HIP1: variants seen among roughly 807,000 people sequenced by gnomAD.
HIP1 encodes the protein huntingtin-interacting protein 1.
A neutral mutation model predicts 147.6 loss-of-function variants in HIP1; 65 were observed. The observed-to-expected ratio is 0.44, with a 90% confidence interval of 0.36 to 0.54. The LOEUF is 0.54. HIP1 is among the 20% of genes least tolerant of loss of function. The pLI, the probability that HIP1 is intolerant of heterozygous loss-of-function variation, is 0.00. For missense variants in HIP1, 1,061 were observed against 1,299.6 expected, an observed-to-expected ratio of 0.82 and a Z score of 2.82; for synonymous variants, 479 against 504.0, an observed-to-expected ratio of 0.95 and a Z score of 0.67.
intron 1 of HIP1, among the ~76,000 whole-genome samples, chr7:75,616,886 C>T (rs1329578115): frequency 6.6e-6 from 1 of 151,974 alleles, no homozygotes; most frequent in Non-Finnish European, 1.5e-5. Context: ...ATGCTGGGAA[C>T]AACAGTAACT....
At chr7:75,624,431 G>C (rs1797960230) in intron 1 of HIP1, among the ~76,000 whole-genome samples, 1 of 152,148 alleles carries the variant, frequency 6.6e-6, no homozygotes, top group South Asian at 2.1e-4. Context: ...TTCCTTAGGG[G>C]AGTGGGGGGA....
At position 75,618,544 on chromosome 7, in the gene HIP1, C is replaced by G. The variant is rs1488358589; in HGVS notation, c.121-19297G>C. On this transcript the variant is annotated intron_variant, in intron 1 of 30. Coordinates refer to ENST00000336926, the MANE Select transcript of HIP1 (RefSeq NM_005338.7). ...CCAGGTGACCTGCCCTCCTCAGTCT[C>G]CCAAAGTGCCGGGATTACAGGCATG... Among the ~76,000 whole-genome samples, 5 of 152,256 alleles carry G rather than the reference C, an allele frequency of 3.3e-5. No homozygotes were observed. The South Asian group carries it at 1.0e-3, about 32-fold the overall frequency.
At chr7:75,719,230 C>T (rs1335244058) in intron 1 of HIP1, among the ~76,000 whole-genome samples, 10 of 152,076 alleles carry the variant, frequency 6.6e-5, no homozygotes, top group South Asian at 2.1e-4. Flanking sequence ...CTAGGCCGGG[C>T]GTGGTGGCTC....
chr7:75,616,940 C>G (rs587721771), intron 1 of HIP1, among the ~76,000 whole-genome samples: 3 of 152,126 alleles, frequency 2.0e-5, no homozygotes, highest in South Asian at 4.2e-4. Context: ...AGGTCTTGCT[C>G]TGTTGCCCAG....
At chr7:75,727,617 G>A (rs911001038) in intron 1 of HIP1, among the ~76,000 whole-genome samples, 9 of 152,116 alleles carry the variant, frequency 5.9e-5, no homozygotes, top group Admixed American at 2.6e-4. Context: ...AAGCCCAGGC[G>A]GGTGGATCAC....
intron 4 of HIP1, among the ~76,000 whole-genome samples, chr7:75,591,340 A>C (rs1796494805): frequency 6.6e-6 from 1 of 151,950 alleles, no homozygotes; most frequent in Non-Finnish European, 1.5e-5. Context: ...GCCAAGAGAG[A>C]TTCTTCAAAA....
intron 2 of HIP1, among the ~76,000 whole-genome samples, chr7:75,595,220 C>CTTTCTTTCT (rs1796656785): frequency 1.1e-5 from 1 of 92,272 alleles, no homozygotes; most frequent in South Asian, 4.0e-4. Flanking sequence ...TTCTTTCTTT[C>CTTTCTTTCT]TTTCTTTCTT....
intron 7 of HIP1, among the ~76,000 whole-genome samples, chr7:75,575,087 G>T (rs587602507): frequency 6.6e-6 from 1 of 152,156 alleles, no homozygotes; most frequent in South Asian, 2.1e-4. Context: ...GAACCCAGGA[G>T]GTGGAGGCTG....
intron 1 of HIP1, among the ~76,000 whole-genome samples, chr7:75,663,951 CATATATGTGTATATATATAT>C (rs1799401622): frequency 8.9e-6 from 1 of 112,244 alleles, no homozygotes; most frequent in East Asian, 2.9e-4. Context: ...TATATATACA[CATATATGTGTATATATATAT>C]ACACATATAT....
intron 1 of HIP1, among the ~76,000 whole-genome samples, chr7:75,601,679 A>G (rs1554502972): frequency 1.3e-5 from 2 of 152,066 alleles, no homozygotes; most frequent in Non-Finnish European, 2.9e-5. Flanking sequence ...ACCCACTCTC[A>G]TGCATTTACG....
intron 5 of HIP1, among the ~76,000 whole-genome samples, chr7:75,586,208 T>G (rs1267372030): frequency 6.6e-6 from 1 of 151,902 alleles, no homozygotes; most frequent in Non-Finnish European, 1.5e-5. Context: ...TTTTTGTTTT[T>G]TTTTTTGAGA....
At position 75,555,427 on chromosome 7, in the gene HIP1, G is replaced by A. The variant is rs781858885; in HGVS notation, c.1952C>T (p.Ala651Val). 2.2e-5 allele frequency: 36 copies of A among 1,613,754 alleles called. No homozygotes were observed. The highest frequency in any genetic ancestry group is 2.9e-5 in the Non-Finnish European group (34 of 1,180,042). Residue 651 changes from alanine to valine, a missense_variant, in exon 19 of 31, where the codon GCT (alanine) becomes GTT (valine). This residue lies in a region of HIP1 where 810 missense variants were observed against 946.8 expected (regional missense o/e 0.86). Coordinates refer to ENST00000336926, the MANE Select transcript of HIP1 (RefSeq NM_005338.7). The stretch of plus-strand genomic sequence containing the variant: ...AATTGCAAGTGTACCTGCAGACCCA[G>A]CGCAGCTGATGAGAGGAGGTTCTTC... ...QLEEPPLISC[A>V]GSADHLLSTV...
chr7:75,561,620 G>A (rs1459046822), intron 12 of HIP1, among the ~76,000 whole-genome samples: 1 of 152,092 alleles, frequency 6.6e-6, no homozygotes, highest in Admixed American at 6.6e-5. Flanking sequence ...ATATTTGAGG[G>A]TCAAGACATT....
chr7:75,676,654 T>C (rs920202924), intron 1 of HIP1, among the ~76,000 whole-genome samples: 19 of 151,644 alleles, frequency 1.3e-4, no homozygotes. Context: ...TGTGTGCCTG[T>C]AATCCCAGCT....
chr7:75,543,207 A>G (rs901633400), intron 27 of HIP1, among the ~76,000 whole-genome samples: 3 of 152,160 alleles, frequency 2.0e-5, no homozygotes, highest in Admixed American at 2.0e-4. Flanking sequence ...ACTTATTTGG[A>G]CAATGTGCCC....
At chr7:75,628,591 GC>G (rs1554508359) in intron 1 of HIP1, among the ~76,000 whole-genome samples, 1 of 150,438 alleles carries the variant, frequency 6.6e-6, no homozygotes, top group East Asian at 2.0e-4. Context: ...TGATTCTCGT[GC>G]CTCAGCCTTC....
At chr7:75,678,879 C>T (rs559261808) in intron 1 of HIP1, among the ~76,000 whole-genome samples, 10 of 152,296 alleles carry the variant, frequency 6.6e-5, no homozygotes, top group African/African-American at 2.4e-4. Context: ...ATCTACCTAA[C>T]CTTAAGAAGT....
intron 2 of HIP1, among the ~76,000 whole-genome samples, chr7:75,598,150 C>T (rs1279975686): frequency 1.3e-5 from 2 of 152,178 alleles, no homozygotes; most frequent in Non-Finnish European, 2.9e-5. Context: ...CATGGTGGCT[C>T]ATGCCTGTGA....
intron 30 of HIP1, 147 bp from the exon 31 acceptor site, chr7:75,538,371 G>A: frequency 1.4e-6 from 1 of 694,172 alleles, no homozygotes; most frequent in East Asian, 2.7e-5. Flanking sequence ...TCGTGTCTAG[G>A]AATGACTAGG....
Sources: allele counts gnomAD v4.1 joint callset (sites outside exome capture counted in the v4.1 genomes callset), GRCh38; gene constraint gnomAD v4.1.1; regional missense constraint gnomAD v4.1.1; transcripts MANE v1.5; gene names NCBI Gene and HGNC (gene_info 2026-07-23, HGNC 2026-07-21).